The following NKAIN3 variants were observed in gnomAD, a reference collection of about 807,000 sequenced individuals.
NKAIN3 encodes the protein sodium/potassium transporting ATPase interacting 3, also known as sodium/potassium-transporting ATPase subunit beta-1-interacting protein 3.
In NKAIN3, 25 loss-of-function variants were observed where a neutral mutation model predicts 30.2. That is an observed-to-expected ratio of 0.83 (90% CI 0.60 to 1.16). NKAIN3 has a LOEUF of 1.16. NKAIN3 is among the 50% of genes most tolerant of loss of function. NKAIN3 has a pLI of 0.00. For synonymous variants in NKAIN3, 91 were observed against 89.6 expected (o/e 1.02, Z -0.09); for missense variants, 225 against 254.1 (o/e 0.89, Z 0.78).
At chr8:62,316,900 T>C (rs1814656154) in intron 1 of NKAIN3, among the ~76,000 whole-genome samples, 1 of 151,808 alleles carries the variant, frequency 6.6e-6, no homozygotes, top group Non-Finnish European at 1.5e-5. Context: ...ACCAACAGTG[T>C]AAGTGTTCTT....
rs546823444 is a variant in NKAIN3, at chr8:62,815,704, T to C, written c.471+68575T>C. Among the ~76,000 whole-genome samples, 186 of 152,276 alleles carry C rather than the reference T, an allele frequency of 1.2e-3. 2 individuals carry two copies. Among genetic ancestry groups the C allele is most frequent in the African/African-American group, 4.3e-3 (180 of 41,544 alleles). On this transcript the variant is annotated intron_variant, in intron 4 of 6. Coordinates refer to ENST00000623646, the MANE Select transcript of NKAIN3 (RefSeq NM_001304533.3). The stretch of plus-strand genomic sequence containing the variant: ...CTAAAAACTCTCAATAAATTAGGTA[T>C]TGATGGGACCTATCTCAAAATAATA...
At chr8:62,408,401 G>T (rs982371822) in intron 1 of NKAIN3, among the ~76,000 whole-genome samples, 1 of 152,012 alleles carries the variant, frequency 6.6e-6, no homozygotes. Context: ...CTGAACTGGT[G>T]ATTTTACTCT....
intron 4 of NKAIN3, among the ~76,000 whole-genome samples, chr8:62,857,959 T>C (rs1296842224): frequency 6.6e-6 from 1 of 152,228 alleles, no homozygotes; most frequent in Admixed American, 6.5e-5. Flanking sequence ...GTTGATTCTT[T>C]CTCATCTTTG....
intron 1 of NKAIN3, among the ~76,000 whole-genome samples, chr8:62,261,400 T>A (rs1812436786): frequency 6.6e-6 from 1 of 152,166 alleles, no homozygotes; most frequent in African/African-American, 2.4e-5. Context: ...GATAATGGGT[T>A]ATAGGTTGCA....
At chr8:62,642,090 G>C (rs1812327063) in intron 3 of NKAIN3, among the ~76,000 whole-genome samples, 1 of 151,982 alleles carries the variant, frequency 6.6e-6, no homozygotes, top group African/African-American at 2.4e-5. Flanking sequence ...AAAAAATAAA[G>C]ATAATACATG....
chr8:62,716,494 C>A (rs1171485936), intron 3 of NKAIN3, among the ~76,000 whole-genome samples: 1 of 152,112 alleles, frequency 6.6e-6, no homozygotes, highest in South Asian at 2.1e-4. Flanking sequence ...TAACCCATGA[C>A]ACTGACATCT....
rs187109217 is a variant in NKAIN3 at position 62,448,558 on chromosome 8, A to G, written c.55-130981A>G. Among the ~76,000 whole-genome samples the G allele has an allele frequency of 2.0e-5, 3 of 151,470 alleles. No homozygotes were observed. The South Asian group carries it at 6.2e-4, about 31-fold the overall frequency. On this transcript the variant is annotated intron_variant, in intron 1 of 6. Transcript: ENST00000623646. The stretch of plus-strand genomic sequence containing the variant: ...GCTGTTTGGATCTCTCTTTTTTAAC[A>G]TAATTGAGATTGTACAATACATGCA...
At chr8:62,628,827 A>G (rs1189461369) in intron 3 of NKAIN3, among the ~76,000 whole-genome samples, 1 of 152,100 alleles carries the variant, frequency 6.6e-6, no homozygotes, top group Admixed American at 6.6e-5. Context: ...ATTGGTGTCT[A>G]TGTCTCTCCC....
At chr8:62,503,696 G>A (rs189868840) in intron 1 of NKAIN3, among the ~76,000 whole-genome samples, 112 of 152,160 alleles carry the variant, frequency 7.4e-4, no homozygotes, top group African/African-American at 2.6e-3. Context: ...AAAGAATTTA[G>A]TGATATCTCT....
intron 4 of NKAIN3, chr8:62,856,372 C>G (rs143543505): frequency 3.6e-6 from 3 of 839,904 alleles, no homozygotes; most frequent in African/African-American, 1.7e-5. Flanking sequence ...TTGGAGTGAA[C>G]CTTCTAGTTT....
At chr8:62,782,354 A>G (rs1159065784) in intron 4 of NKAIN3, among the ~76,000 whole-genome samples, 2 of 152,106 alleles carry the variant, frequency 1.3e-5, no homozygotes, top group African/African-American at 4.8e-5. Flanking sequence ...TATGGAAAGC[A>G]GTATGTAGAT....
At chr8:62,668,478 C>T (rs926402037) in intron 3 of NKAIN3, among the ~76,000 whole-genome samples, 4 of 152,164 alleles carry the variant, frequency 2.6e-5, no homozygotes, top group Admixed American at 6.5e-5. Context: ...AAATTCAAGA[C>T]CAGTGCTGAC....
intron 1 of NKAIN3, among the ~76,000 whole-genome samples, chr8:62,561,936 A>T: frequency 6.6e-6 from 1 of 152,176 alleles, no homozygotes; most frequent in Non-Finnish European, 1.5e-5. Context: ...CTATAAAATC[A>T]TCAGAAAAGT....
rs977849666 is a variant in NKAIN3 at position 62,892,160 on chromosome 8, T to A, written c.472-26293T>A. Among the ~76,000 whole-genome samples, 5 of 152,200 alleles carry A rather than the reference T, an allele frequency of 3.3e-5. No homozygotes were observed. The East Asian group carries it at 9.6e-4, about 29-fold the overall frequency. On this transcript the variant is annotated intron_variant, in intron 4 of 6. Transcript: ENST00000623646. ...TTATACAACCATTTAATTACTTTCC[T>A]GAGTAGAGGTATCTGTATGTATTAT...
rs114411888 is a variant in NKAIN3 at position 62,768,146 on chromosome 8, A to C, written c.471+21017A>C. ...ATCATTGGACTGTTCTAAGTGTAAAAACGATTTTGTGCCTCTACATTCAAA... is the reference window on the plus strand; with the variant it reads ...ATCATTGGACTGTTCTAAGTGTAAACACGATTTTGTGCCTCTACATTCAAA... On this transcript the variant is annotated intron_variant, in intron 4 of 6. Transcript: ENST00000623646. 3.1e-3 allele frequency among the ~76,000 whole-genome samples: 475 copies of C among 152,204 alleles called. 1 individual carries two copies. Among genetic ancestry groups the C allele is most frequent in the African/African-American group, 0.01 (417 of 41,542 alleles).
At chr8:62,775,794 A>G (rs1027982924) in intron 4 of NKAIN3, among the ~76,000 whole-genome samples, 1 of 152,040 alleles carries the variant, frequency 6.6e-6, no homozygotes, top group African/African-American at 2.4e-5. Context: ...TTCTGCAAAT[A>G]TCTATTAGGC....
chr8:62,582,698 G>C (rs1201217535), intron 2 of NKAIN3, among the ~76,000 whole-genome samples: 1 of 152,224 alleles, frequency 6.6e-6, no homozygotes. Context: ...GACCTGTACT[G>C]TGCTAAGTTT....
At chr8:62,589,511 T>G (rs1419721661) in intron 2 of NKAIN3, among the ~76,000 whole-genome samples, 1 of 151,700 alleles carries the variant, frequency 6.6e-6, no homozygotes, top group Non-Finnish European at 1.5e-5. Context: ...TTTGTTGGTG[T>G]CTACTGAAAG....
intron 1 of NKAIN3, among the ~76,000 whole-genome samples, chr8:62,343,957 G>A (rs1486141733): frequency 6.6e-6 from 1 of 152,082 alleles, no homozygotes; most frequent in Non-Finnish European, 1.5e-5. Flanking sequence ...TAGTATCCAA[G>A]TGAAACTTAA....
Sources: gnomAD v4.1 joint callset for allele counts (sites outside exome capture counted in the v4.1 genomes callset) on GRCh38, gnomAD v4.1.1 for gene constraint, MANE v1.5 for transcripts, NCBI Gene and HGNC (gene_info 2026-07-23, HGNC 2026-07-21) for gene names.